The following AR variants were observed in gnomAD, a reference collection of about 807,000 sequenced individuals.
AR encodes the protein androgen receptor, also known as dihydrotestosterone receptor.
Under a neutral mutation model 53.9 loss-of-function variants are expected in AR, and 8 were observed. The ratio of observed to expected loss-of-function variants is 0.15; its 90% CI spans 0.09 to 0.27. AR has a LOEUF of 0.27. Ranked by LOEUF, AR falls within the 10% of genes least tolerant of loss-of-function variation. The probability of loss-of-function intolerance (pLI) is 1.00; values close to 1 mark genes in which losing one functional copy is unlikely to be tolerated. For missense variants in AR, 639 were observed against 742.5 expected (o/e 0.86, Z 1.62); for synonymous variants, 359 against 316.4 (o/e 1.13, Z -1.43).
chrX:67,617,299 G>A, intron 1 of AR, among the ~76,000 whole-genome samples: 1 of 111,495 alleles, frequency 9.0e-6, no homozygotes, highest in Non-Finnish European at 1.9e-5. Flanking sequence ...TTGTATGAGT[G>A]TTTCATGCAT....
At chrX:67,660,313 C>T (rs1448296698) in intron 2 of AR, among the ~76,000 whole-genome samples, 6 of 111,559 alleles carry the variant, frequency 5.4e-5, no homozygotes, top group Non-Finnish European at 1.1e-4. Flanking sequence ...AATGGTATTG[C>T]GTAGGTTTTC....
chrX:67,628,636 T>C (rs1174713594), intron 1 of AR, among the ~76,000 whole-genome samples: 9 of 109,780 alleles, frequency 8.2e-5, no homozygotes, highest in East Asian at 2.9e-4. Context: ...ATTTCCTTCT[T>C]CTGCCTAATT....
rs756623292 is a variant in AR, at chrX:67,664,614, A to G, written c.1768+21207A>G. On this transcript the variant is annotated intron_variant, in intron 2 of 7. Coordinates refer to ENST00000374690, the MANE Select transcript of AR (RefSeq NM_000044.6). ...TCCGTTCTCAGATCTCCAGCTGCATACTGGGAGAACCACTACTCTCTTCAA... is the reference window on the plus strand; with the variant it reads ...TCCGTTCTCAGATCTCCAGCTGCATGCTGGGAGAACCACTACTCTCTTCAA... Among the ~76,000 whole-genome samples, 45 of 112,022 alleles carry G rather than the reference A, an allele frequency of 4.0e-4. No individual in the cohort carries two copies. The South Asian group carries it at 0.015, about 37-fold the overall frequency.
At chrX:67,580,789 G>A (rs1010029514) in intron 1 of AR, among the ~76,000 whole-genome samples, 4 of 110,691 alleles carry the variant, frequency 3.6e-5, no homozygotes, top group Non-Finnish European at 5.7e-5. Context: ...TTTTTGTTCT[G>A]TTGCTTATTA....
chrX:67,576,344 G>A (rs775457552), intron 1 of AR, among the ~76,000 whole-genome samples: 1 of 110,161 alleles, frequency 9.1e-6, no homozygotes, highest in East Asian at 2.9e-4. Context: ...ACTAGAATTC[G>A]TTCGCTGTTG....
chrX:67,583,870 G>T (rs1300689521), intron 1 of AR, among the ~76,000 whole-genome samples: 3 of 111,646 alleles, frequency 2.7e-5, no homozygotes, highest in African/African-American at 9.8e-5. Context: ...TTGAGGTATT[G>T]TCTGACCCCT....
intron 5 of AR, 84 bp from the exon 6 acceptor site, chrX:67,721,749 G>A (rs776179203): frequency 4.5e-5 from 52 of 1,158,557 alleles, no homozygotes; most frequent in Admixed American, 6.6e-5. Context: ...AAAACCTGGC[G>A]AGGGATGGCA....
intron 1 of AR, among the ~76,000 whole-genome samples, chrX:67,569,666 A>C (rs1237171144): frequency 9.0e-6 from 1 of 110,829 alleles, no homozygotes; most frequent in Non-Finnish European, 1.9e-5. Flanking sequence ...CTGAGTTTGC[A>C]CGTCTCTGTC....
intron 1 of AR, among the ~76,000 whole-genome samples, chrX:67,584,111 A>G (rs752691091): frequency 8.9e-6 from 1 of 111,947 alleles, no homozygotes; most frequent in Non-Finnish European, 1.9e-5. Flanking sequence ...ACTCTATAGC[A>G]TTTGTTACTA....
chrX:67,724,589 G>A lies in AR; in HGVS notation c.*748G>A, dbSNP rs1418701164. On this transcript the variant is annotated 3_prime_UTR_variant, in exon 8 of 8. Transcript: ENST00000374690. ...GTGGACAGAGAGGAGAGGACAAGGAGGGCAATGGAGCATCAGTACCTGCCC... is the reference window on the plus strand; with the variant it reads ...GTGGACAGAGAGGAGAGGACAAGGAAGGCAATGGAGCATCAGTACCTGCCC... 1.7e-5 allele frequency: 3 copies of A among 173,451 alleles called. No individual in the cohort carries two copies. The highest frequency in any genetic ancestry group is 1.7e-3 in the Middle Eastern group (1 of 579). The allele number at this position is 173,451 out of a possible 1,213,427, so 14.3% of individuals were successfully genotyped here. A position where few individuals can be genotyped will look rare whatever the true frequency, so the allele number is the denominator to read the frequency against.
chrX:67,696,522 A>G (rs1602262566), intron 3 of AR, among the ~76,000 whole-genome samples: 1 of 111,808 alleles, frequency 8.9e-6, no homozygotes, highest in African/African-American at 3.3e-5. Flanking sequence ...TTACTCCTCC[A>G]TGAACTAAAA....
intron 1 of AR, among the ~76,000 whole-genome samples, chrX:67,561,056 A>G (rs1921279422): frequency 1.8e-5 from 2 of 112,079 alleles, no homozygotes; most frequent in South Asian, 7.4e-4. Context: ...TTCTCCATCA[A>G]TATGGTACTT....
At chrX:67,591,576 A>C (rs1922833382) in intron 1 of AR, among the ~76,000 whole-genome samples, 1 of 111,765 alleles carries the variant, frequency 8.9e-6, no homozygotes, top group Admixed American at 9.5e-5. Flanking sequence ...TGCTCTCTGC[A>C]ACCCCAATAA....
intron 2 of AR, among the ~76,000 whole-genome samples, chrX:67,675,704 A>G (rs895624184): frequency 1.6e-4 from 18 of 111,656 alleles, no homozygotes; most frequent in African/African-American, 4.9e-4. Context: ...TGTCTTTCCT[A>G]CCCTTTTCGG....
chrX:67,637,101 A>AT (rs1218270038), intron 1 of AR, among the ~76,000 whole-genome samples: 1 of 111,432 alleles, frequency 9.0e-6, no homozygotes, highest in Non-Finnish European at 1.9e-5. Flanking sequence ...TTTAAAAAAC[A>AT]TTTTTTAATA....
At chrX:67,697,739 A>G (rs751471586) in intron 3 of AR, among the ~76,000 whole-genome samples, 4 of 111,839 alleles carry the variant, frequency 3.6e-5, no homozygotes, top group Non-Finnish European at 7.5e-5. Context: ...ATAGATGAGA[A>G]AAACTGAGGT....
intron 2 of AR, among the ~76,000 whole-genome samples, chrX:67,645,411 A>G (rs1424711890): frequency 9.0e-6 from 1 of 110,946 alleles, no homozygotes; most frequent in African/African-American, 3.3e-5. Context: ...GAGCTCTGCA[A>G]TGAGGTGGAT....
chrX:67,635,986 T>C (rs1300478094), intron 1 of AR, among the ~76,000 whole-genome samples: 1 of 111,805 alleles, frequency 8.9e-6, no homozygotes, highest in Admixed American at 9.5e-5. Flanking sequence ...TCTTTCATTA[T>C]GTGCTGTTTT....
chrX:67,659,157 CAGAT>C (rs1926738989), intron 2 of AR, among the ~76,000 whole-genome samples: 1 of 110,961 alleles, frequency 9.0e-6, no homozygotes, highest in Non-Finnish European at 1.9e-5. Flanking sequence ...TCTAGGAAGT[CAGAT>C]AGCGTTTTCC....
Sources: gnomAD v4.1 joint callset for allele counts (sites outside exome capture counted in the v4.1 genomes callset) on GRCh38, gnomAD v4.1.1 for gene constraint, MANE v1.5 for transcripts, NCBI Gene and HGNC (gene_info 2026-07-23, HGNC 2026-07-21) for gene names.